Variants in MOG observed in about 807,000 individuals in gnomAD.
MOG encodes the protein myelin-oligodendrocyte glycoprotein.
In MOG, 20 loss-of-function variants were observed where a neutral mutation model predicts 35.9. That is an observed-to-expected ratio of 0.56 (90% confidence interval 0.39 to 0.81). MOG has a LOEUF of 0.81. Ranked by LOEUF, MOG falls within the 30% of genes least tolerant of loss-of-function variation. The pLI, the probability that MOG is intolerant of heterozygous loss-of-function variation, is 0.00. For synonymous variants in MOG, 92 were observed against 114.3 expected (o/e 0.80, Z 1.25); for missense variants, 251 against 301.0 (o/e 0.83, Z 1.23).
rs1232718659 is a variant in MOG, at chr6:29,672,161, A to G, written c.*976A>G. The stretch of plus-strand genomic sequence containing the variant: ...CAATTAACTGAGCATAGTGGTGGGC[A>G]CCTATAATACCAGCTACTCCGGAGG... On this transcript the variant is annotated 3_prime_UTR_variant, in exon 8 of 8. Coordinates refer to ENST00000376917, the MANE Select transcript of MOG (RefSeq NM_206809.4). 5 of 153,944 alleles carry G rather than the reference A, an allele frequency of 3.2e-5. No individual in the cohort carries two copies. Among genetic ancestry groups the G allele is most frequent in the African/African-American group, 1.2e-4 (5 of 41,520 alleles). The allele number at this position is 153,944 out of a possible 1,614,324, so 9.5% of individuals were successfully genotyped here. A position where few individuals can be genotyped will look rare whatever the true frequency, so the allele number is the denominator to read the frequency against.
At position 29,667,934 on chromosome 6, in the gene MOG, G is replaced by T; in HGVS notation, c.592+10G>T. The T allele has an allele frequency of 6.2e-7, 1 of 1,612,930 alleles. No individual in the cohort carries two copies. Among genetic ancestry groups the T allele is most frequent in the Non-Finnish European group, 8.5e-7 (1 of 1,179,930 alleles). On this transcript the variant is annotated intron_variant, in intron 5 of 7. Transcript: ENST00000376917. ...CTCCACCGGACTTTTGGTAAGTTCC[G>T]GCATGTCTAGGCCCTCCCAGGTCAA...
intron 2 of MOG, chr6:29,659,909 G>A (rs1768132174): frequency 6.7e-6 from 4 of 600,138 alleles, no homozygotes; most frequent in Non-Finnish European, 1.2e-5. Context: ...AATGAACAAT[G>A]GTAGCCATAC....
chr6:29,662,221 C>T lies in MOG; in HGVS notation c.436+2555C>T, dbSNP rs1033726969. The T allele has an allele frequency of 4.1e-6, 4 of 979,286 alleles. No individual in the cohort carries two copies. Among genetic ancestry groups the T allele is most frequent in the Non-Finnish European group, 4.9e-6 (4 of 824,386 alleles). The allele number at this position is 979,286 out of a possible 1,614,324, so 60.7% of individuals were successfully genotyped here. A position where few individuals can be genotyped will look rare whatever the true frequency, so the allele number is the denominator to read the frequency against. On this transcript the variant is annotated intron_variant, in intron 2 of 7. Transcript: ENST00000376917. The surrounding 1 kb of genome is among the most constrained non-coding windows in gnomAD (Gnocchi z 4.2). ...AACAAATGCCAGGCGCGGCAGCTCA[C>T]GCCTGTAATCCCAGCACTTTGGGAG...
Position 29,660,966 on chromosome 6 carries a change from C to T in MOG, c.436+1300C>T, listed in dbSNP as rs187912932. On this transcript the variant is annotated intron_variant, in intron 2 of 7. Coordinates refer to ENST00000376917, the MANE Select transcript of MOG (RefSeq NM_206809.4). ...TCAGGTGATCCACTCGCCTCAGCCTCCCAAAGTGCTGGGATTACAGGCATG... is the reference window on the plus strand; with the variant it reads ...TCAGGTGATCCACTCGCCTCAGCCTTCCAAAGTGCTGGGATTACAGGCATG... Among the ~76,000 whole-genome samples the T allele has an allele frequency of 7.9e-5, 12 of 152,266 alleles. No individual in the cohort carries two copies. In the South Asian group the frequency reaches 1.4e-3, roughly 18 times the overall value.
chr6:29,670,436 G>T lies in MOG; in HGVS notation c.709+39G>T. On this transcript the variant is annotated intron_variant, in intron 6 of 7. Transcript: ENST00000376917. The surrounding 1 kb of genome is among the most constrained non-coding windows in gnomAD (Gnocchi z 4.2). ...GCAGCAGGCAAGACCACCAAATAGT[G>T]GGGGACCAAGTCAGCTCTGAATGGG... The T allele has an allele frequency of 1.3e-6, 2 of 1,590,810 alleles. No homozygotes were observed. Among genetic ancestry groups the T allele is most frequent in the Non-Finnish European group, 1.7e-6 (2 of 1,159,586 alleles).
intron 3 of MOG, 61 bp from the exon 4 acceptor site, chr6:29,667,582 G>A: frequency 6.3e-7 from 1 of 1,587,374 alleles, no homozygotes; most frequent in Non-Finnish European, 8.6e-7. Flanking sequence ...CTGGGTGTGG[G>A]AGGGTCCCCA....
In MOG at chr6:29,671,410, TTC is replaced by T. The variant is rs1205876467; in HGVS notation, c.*232_*233del. The T allele has an allele frequency of 6.2e-7, 1 of 1,612,630 alleles. No individual in the cohort carries two copies. The highest frequency in any genetic ancestry group is 1.1e-5 in the South Asian group (1 of 91,066). On this transcript the variant is annotated 3_prime_UTR_variant, in exon 8 of 8. Coordinates refer to ENST00000376917, the MANE Select transcript of MOG (RefSeq NM_206809.4). ...CCATTTTTATTACCCTTCTTTCCAT[TTC>T]TCTCTCCAGTCTTCCACCTGGAAGC... is the stretch of plus-strand genomic sequence containing the variant.
chr6:29,664,357 C>A (rs549359245), intron 2 of MOG, among the ~76,000 whole-genome samples: 4 of 151,920 alleles, frequency 2.6e-5, no homozygotes, highest in Non-Finnish European at 5.9e-5. Flanking sequence ...ACAGGCTGCA[C>A]CACCATGTCT....
rs958616594 is a variant in MOG, at chr6:29,662,649, G to A, written c.436+2983G>A. Among the ~76,000 whole-genome samples the A allele has an allele frequency of 2.0e-5, 3 of 151,964 alleles. No homozygotes were observed. Among genetic ancestry groups the A allele is most frequent in the African/African-American group, 7.3e-5 (3 of 41,362 alleles). On this transcript the variant is annotated intron_variant, in intron 2 of 7. Transcript: ENST00000376917. This position sits in a 1 kb window ranked among gnomAD's most constrained non-coding sequence, Gnocchi z 4.2. ...TACTGAGGTAAATCCTAGGCAGCAT[G>A]ATCATTTCTTTTTTTTCTTTTTATT... is the stretch of plus-strand genomic sequence containing the variant.
Position 29,671,180 on chromosome 6 carries a change from T to C in MOG, c.739T>C (p.Phe247Leu). The change falls in exon 8 of 8, where the codon TTC (phenylalanine) becomes CTC (leucine). Residue 247 changes from phenylalanine to leucine, a missense_variant. Phe to Leu is a conservative substitution (Grantham distance 22, BLOSUM62 0). Transcript: ENST00000376917. ...GQFLEELRNP[F>L] ...TTTTCTCCTTCTTCTAGGAAATCCC[T>C]TCTGAGTGATGTCACATCTTGGCAG... The C allele has an allele frequency of 6.2e-7, 1 of 1,613,028 alleles. No homozygotes were observed. The highest frequency in any genetic ancestry group is 8.5e-7 in the Non-Finnish European group (1 of 1,180,010).
At chr6:29,660,823 C>T (rs1328983767) in intron 2 of MOG, among the ~76,000 whole-genome samples, 2 of 151,294 alleles carry the variant, frequency 1.3e-5, no homozygotes, top group Non-Finnish European at 2.9e-5. Context: ...ATTCTCCTGC[C>T]TCAGCCTCCC....
Position 29,669,184 on chromosome 6 carries a change from G to C in MOG, c.593-1097G>C, listed in dbSNP as rs181523780. Reference sequence around the variant, plus strand: ...GATCCACCTGCCTTGGCCTCCCAAAGTGCTGGGATTACGGGCATGAGCCAC... The same window carrying C: ...GATCCACCTGCCTTGGCCTCCCAAACTGCTGGGATTACGGGCATGAGCCAC... On this transcript the variant is annotated intron_variant, in intron 5 of 7. Transcript: ENST00000376917. Among the ~76,000 whole-genome samples, 962 of 152,180 alleles carry C rather than the reference G, an allele frequency of 6.3e-3. 6 individuals carry two copies. The highest frequency in any genetic ancestry group is 0.02 in the African/African-American group (835 of 41,528).
chr6:29,663,598 ACAT>A (rs1769424536), intron 2 of MOG, among the ~76,000 whole-genome samples: 1 of 152,132 alleles, frequency 6.6e-6, no homozygotes, highest in Non-Finnish European at 1.5e-5. Flanking sequence ...AGGTGCAATG[ACAT>A]TTGTGTTTGA....
At chr6:29,665,784 T>G (rs1361785127) in intron 2 of MOG, among the ~76,000 whole-genome samples, 1 of 133,876 alleles carries the variant, frequency 7.5e-6, no homozygotes. Flanking sequence ...ATTTAGTGTT[T>G]ATTTTAATTA....
intron 2 of MOG, 145 bp from the exon 3 acceptor site, chr6:29,666,007 G>A: frequency 1.3e-6 from 1 of 746,066 alleles, no homozygotes; most frequent in East Asian, 2.5e-5. Flanking sequence ...TCAGGGCTAA[G>A]CTCAGGGACC....
intron 1 of MOG, among the ~76,000 whole-genome samples, chr6:29,659,047 G>A (rs1350666222): frequency 1.3e-5 from 2 of 152,046 alleles, no homozygotes; most frequent in African/African-American, 4.8e-5. Context: ...GGGAGGCGGA[G>A]GTTGCAGGGA....
In MOG at chr6:29,670,699, A is replaced by G. The variant is rs1242904814; in HGVS notation, c.710-2A>G. The G allele has an allele frequency of 6.2e-7, 1 of 1,612,458 alleles. No homozygotes were observed. Among genetic ancestry groups the G allele is most frequent in the Non-Finnish European group, 8.5e-7 (1 of 1,179,796 alleles). On this transcript the variant is annotated splice_acceptor_variant, in intron 6 of 7. Coordinates refer to ENST00000376917, the MANE Select transcript of MOG (RefSeq NM_206809.4). LOFTEE classifies it high-confidence loss of function. The surrounding 1 kb of genome is among the most constrained non-coding windows in gnomAD (Gnocchi z 4.2). ...CACATATTTGTTTCTTTTTGTTTTC[A>G]GGGCAATTCCTTGAAGAGCTACGTA...
intron 1 of MOG, among the ~76,000 whole-genome samples, 184 bp from the exon 2 acceptor site, chr6:29,659,135 T>A (rs911204990): frequency 1.5e-4 from 22 of 151,462 alleles, no homozygotes; most frequent in African/African-American, 5.4e-4. Flanking sequence ...TCTCAAAAAA[T>A]AAATGAATAA....
At chr6:29,664,368 G>A (rs993921385) in intron 2 of MOG, among the ~76,000 whole-genome samples, 2 of 151,778 alleles carry the variant, frequency 1.3e-5, no homozygotes, top group Non-Finnish European at 2.9e-5. Context: ...CACCATGTCT[G>A]GCTAATTTTT....
Sources: gnomAD v4.1 joint callset for allele counts (sites outside exome capture counted in the v4.1 genomes callset) on GRCh38, gnomAD v4.1.1 for gene constraint, Gnocchi (gnomAD v3.1) non-coding constraint, MANE v1.5 for transcripts, NCBI Gene and HGNC (gene_info 2026-07-23, HGNC 2026-07-21) for gene names.